Variants in CYLD observed in about 807,000 individuals in gnomAD.
The protein encoded by CYLD is ubiquitin carboxyl-terminal hydrolase CYLD.
A neutral mutation model predicts 104.5 loss-of-function variants in CYLD; 26 were observed. The observed-to-expected ratio is 0.25, with a 90% CI of 0.18 to 0.35. The LOEUF is 0.35. Ranked by LOEUF, CYLD falls within the 10% of genes least tolerant of loss-of-function variation. The pLI is 1.00. For synonymous variants in CYLD, 385 were observed against 399.9 expected (o/e 0.96, Z 0.45); for missense variants, 703 against 1,136.1 (o/e 0.62, Z 5.48).
chr16:50,800,739 A>C lies in CYLD; in HGVS notation c.*4231A>C. On this transcript the variant is annotated 3_prime_UTR_variant, in exon 19 of 19. Coordinates refer to ENST00000427738, the MANE Select transcript of CYLD (RefSeq NM_001378743.1). ...GGAAGATTTTTCTCTGGGATAACAAATCCTTGTCATAAAGTAAGAGGTCTT... is the reference window on the plus strand; with the variant it reads ...GGAAGATTTTTCTCTGGGATAACAACTCCTTGTCATAAAGTAAGAGGTCTT... 4.3e-6 allele frequency: 1 copy of C among 233,148 alleles called. No homozygotes were observed. The highest frequency in any genetic ancestry group is 8.5e-6 in the Non-Finnish European group (1 of 117,916). The allele number at this position is 233,148 out of a possible 1,614,324, so 14.4% of individuals were successfully genotyped here.
At position 50,801,780 on chromosome 16, in the gene CYLD, C is replaced by T. The variant is rs140875917; in HGVS notation, c.*5272C>T. On this transcript the variant is annotated 3_prime_UTR_variant, in exon 19 of 19. Transcript: ENST00000427738. ...AACATCCTATATTTATGAGAACATT[C>T]TTTAAGAAGACCACCACATAGAATA... is the stretch of plus-strand genomic sequence containing the variant. 1.1e-3 allele frequency: 263 copies of T among 233,286 alleles called. 1 individual carries two copies. Among genetic ancestry groups the T allele is most frequent in the African/African-American group, 5.4e-3 (245 of 45,424 alleles). The allele number at this position is 233,286 out of a possible 1,614,324, so 14.5% of individuals were successfully genotyped here.
chr16:50,797,336 A>G lies in CYLD; in HGVS notation c.*828A>G, dbSNP rs1443650139. On this transcript the variant is annotated 3_prime_UTR_variant, in exon 19 of 19. Transcript: ENST00000427738. Reference sequence around the variant, plus strand: ...GGAGTGATAATAGTCCTTTACAAACATACAGTCCATAAGAAAATGAATTTG... The same window carrying G: ...GGAGTGATAATAGTCCTTTACAAACGTACAGTCCATAAGAAAATGAATTTG... The G allele has an allele frequency of 1.7e-5, 4 of 232,308 alleles. No homozygotes were observed. The highest frequency in any genetic ancestry group is 3.4e-5 in the Non-Finnish European group (4 of 117,490). 14.4% of individuals were successfully genotyped at this position (232,308 alleles called of 1,614,324 possible). A position where few individuals can be genotyped will look rare whatever the true frequency, so the allele number is the denominator to read the frequency against.
chr16:50,782,376 T>C lies in CYLD; in HGVS notation c.1736T>C (p.Met579Thr). Residue 579 changes from methionine (M) to threonine (T), a missense_variant, in exon 11 of 19, where the codon ATG becomes ACG. Met to Thr is a moderately conservative substitution (Grantham distance 81, BLOSUM62 -1). This residue lies in a region of CYLD where 125 missense variants were observed against 325.4 expected (regional missense o/e 0.38). Coordinates refer to ENST00000427738, the MANE Select transcript of CYLD (RefSeq NM_001378743.1). ...EVVEENTPPK[M>T]EKEGLEIMIG... Reference sequence around the variant, plus strand: ...GTAGAAGAAAATACTCCACCAAAAATGGAAAAAGAAGGCTTGGAGATAATG... The same window carrying C: ...GTAGAAGAAAATACTCCACCAAAAACGGAAAAAGAAGGCTTGGAGATAATG... The C allele has an allele frequency of 6.2e-6, 10 of 1,613,648 alleles. No homozygotes were observed. The highest frequency in any genetic ancestry group is 8.5e-6 in the Non-Finnish European group (10 of 1,179,668).
chr16:50,756,734 C>A (rs1199505790), intron 5 of CYLD, among the ~76,000 whole-genome samples: 2 of 152,148 alleles, frequency 1.3e-5, no homozygotes, highest in Non-Finnish European at 2.9e-5. Flanking sequence ...ATGTACCAGG[C>A]CCTGAGTTAG....
chr16:50,766,846 T>A (rs1032039599), intron 5 of CYLD, among the ~76,000 whole-genome samples: 3 of 152,178 alleles, frequency 2.0e-5, no homozygotes, highest in South Asian at 2.1e-4. Flanking sequence ...ATGATCAAAC[T>A]TGAGCGGATG....
Position 50,799,295 on chromosome 16 carries a change from C to CTG in CYLD, c.*2797_*2798dup, listed in dbSNP as rs773771930. The CTG allele has an allele frequency of 1.3e-3, 298 of 233,024 alleles. 6 individuals carry two copies. The East Asian group carries it at 0.014, about 11-fold the overall frequency. 14.4% of individuals were successfully genotyped at this position (233,024 alleles called of 1,614,324 possible). A position where few individuals can be genotyped will look rare whatever the true frequency, so the allele number is the denominator to read the frequency against. The stretch of plus-strand genomic sequence containing the variant: ...CACCTCCAAATAAATATGTGTGTGT[C>CTG]TGTGTGTGTGTATATATGTATGTGG... On this transcript the variant is annotated 3_prime_UTR_variant, in exon 19 of 19. Transcript: ENST00000427738.
At chr16:50,796,178 G>A in intron 18 of CYLD, 146 bp from the exon 19 acceptor site, 1 of 724,372 alleles carries the variant, frequency 1.4e-6, no homozygotes, top group South Asian at 1.8e-5. Context: ...AGGGTTAAAG[G>A]AGGCTTTCAC....
intron 5 of CYLD, among the ~76,000 whole-genome samples, chr16:50,758,153 C>T (rs1054428315): frequency 1.2e-4 from 18 of 152,146 alleles, no homozygotes; most frequent in Non-Finnish European, 2.4e-4. Flanking sequence ...GGTTGTAGGG[C>T]GGGATTTTTC....
intron 17 of CYLD, 21 bp downstream of exon 17, chr16:50,793,685 T>C (rs1169298817): frequency 6.8e-7 from 1 of 1,467,728 alleles, no homozygotes. Flanking sequence ...CTTCACTTAA[T>C]GGATAAACTT....
At position 50,781,376 on chromosome 16, in the gene CYLD, C is replaced by A. The variant is rs779388734; in HGVS notation, c.1649C>A (p.Pro550Gln). 6.2e-7 allele frequency: 1 copy of A among 1,613,524 alleles called. No homozygotes were observed. Among genetic ancestry groups the A allele is most frequent in the Non-Finnish European group, 8.5e-7 (1 of 1,179,868 alleles). Residue 550 changes from proline to glutamine, a missense_variant, in exon 10 of 19, where the codon CCG becomes CAG. This residue lies in a region of CYLD where 125 missense variants were observed against 325.4 expected (regional missense o/e 0.38). Coordinates refer to ENST00000427738, the MANE Select transcript of CYLD (RefSeq NM_001378743.1). ...GACTCTAGGTTTGCATCATTGCAGC[C>A]GGTTTCCAATCAGATTGAGCGCTGT... ...RPDSRFASLQ[P>Q]VSNQIERCNS...
chr16:50,796,884 C>A lies in CYLD; in HGVS notation c.*376C>A. 1 of 330,294 alleles carries A rather than the reference C, an allele frequency of 3.0e-6. No homozygotes were observed. Among genetic ancestry groups the A allele is most frequent in the Non-Finnish European group, 5.7e-6 (1 of 175,002 alleles). 20.5% of individuals were successfully genotyped at this position (330,294 alleles called of 1,614,324 possible). A position where few individuals can be genotyped will look rare whatever the true frequency, so the allele number is the denominator to read the frequency against. On this transcript the variant is annotated 3_prime_UTR_variant, in exon 19 of 19. Transcript: ENST00000427738. Reference sequence around the variant, plus strand: ...AAATAAATGTGTCTTCTTTATGGACCAAGGATATGAAATCATTTTTCTTTT... The same window carrying A: ...AAATAAATGTGTCTTCTTTATGGACAAAGGATATGAAATCATTTTTCTTTT...
At chr16:50,745,967 T>C (rs1966158577) in intron 2 of CYLD, among the ~76,000 whole-genome samples, 1 of 152,186 alleles carries the variant, frequency 6.6e-6, no homozygotes, top group Non-Finnish European at 1.5e-5. Context: ...GAAATGTATG[T>C]TAGCATATTT....
chr16:50,786,836 T>A lies in CYLD; in HGVS notation c.1950-19T>A, dbSNP rs548448583. ...TTTAATACATGCCAATATCAATTAA[T>A]AGTTTTTTACTAACTTAGATATGGA... On this transcript the variant is annotated intron_variant, in intron 12 of 18. Transcript: ENST00000427738. 1 of 1,502,224 alleles carries A rather than the reference T, an allele frequency of 6.7e-7. No homozygotes were observed. The highest frequency in any genetic ancestry group is 1.4e-5 in the African/African-American group (1 of 72,794). 93.1% of individuals were successfully genotyped at this position (1,502,224 alleles called of 1,614,324 possible).
At chr16:50,781,923 T>C (rs553487669) in intron 10 of CYLD, among the ~76,000 whole-genome samples, 1 of 152,332 alleles carries the variant, frequency 6.6e-6, no homozygotes, top group East Asian at 1.9e-4. Context: ...ATCTTGGGGC[T>C]TCAGCAGGTG....
chr16:50,759,329 G>T (rs544945020), intron 5 of CYLD, among the ~76,000 whole-genome samples: 1 of 152,142 alleles, frequency 6.6e-6, no homozygotes, highest in Non-Finnish European at 1.5e-5. Flanking sequence ...TCATGAAACT[G>T]ACCATCTAGG....
rs2150979351 is a variant in CYLD at position 50,775,214 on chromosome 16, T to C, written c.922+40T>C. Reference sequence around the variant, plus strand: ...TGTCGTGTTGGACTCCACGGATGTATTGTTGAATTTTTCAAAGGAAGAACT... The same window carrying C: ...TGTCGTGTTGGACTCCACGGATGTACTGTTGAATTTTTCAAAGGAAGAACT... On this transcript the variant is annotated intron_variant, in intron 6 of 18. Transcript: ENST00000427738. 4 of 1,565,588 alleles carry C rather than the reference T, an allele frequency of 2.6e-6. No homozygotes were observed. The South Asian group carries it at 3.4e-5, about 13-fold the overall frequency.
chr16:50,775,970 T>A (rs1009370090), intron 6 of CYLD, among the ~76,000 whole-genome samples: 1 of 152,234 alleles, frequency 6.6e-6, no homozygotes, highest in African/African-American at 2.4e-5. Flanking sequence ...TATTTTCTTA[T>A]AGAAATTACA....
At chr16:50,753,891 T>C (rs1392717468) in intron 4 of CYLD, among the ~76,000 whole-genome samples, 1 of 152,252 alleles carries the variant, frequency 6.6e-6, no homozygotes, top group Non-Finnish European at 1.5e-5. Flanking sequence ...ATTTAAATGC[T>C]CAGGGAATAT....
chr16:50,773,583 A>G (rs1228592070), intron 5 of CYLD, among the ~76,000 whole-genome samples: 1 of 152,196 alleles, frequency 6.6e-6, no homozygotes, highest in African/African-American at 2.4e-5. Context: ...TGGTGGAATT[A>G]TCTTCTATAT....
Sources: allele counts gnomAD v4.1 joint callset (sites outside exome capture counted in the v4.1 genomes callset), GRCh38; gene constraint gnomAD v4.1.1; regional missense constraint gnomAD v4.1.1; transcripts MANE v1.5; gene names NCBI Gene and HGNC (gene_info 2026-07-23, HGNC 2026-07-21).